Variants in MDGA2 observed in about 807,000 individuals in gnomAD.
MDGA2 encodes the protein MAM domain containing glycosylphosphatidylinositol anchor 2, also known as MAM domain-containing glycosylphosphatidylinositol anchor protein 2.
In MDGA2, 40 loss-of-function variants were observed where a neutral mutation model predicts 117.8. The observed-to-expected ratio is 0.34, with a 90% CI of 0.26 to 0.44. The LOEUF (loss-of-function observed/expected upper bound fraction) is 0.44, where lower values mean the gene tolerates loss of function less well. MDGA2 is among the 20% of genes least tolerant of loss of function. The pLI, the probability that MDGA2 is intolerant of heterozygous loss-of-function variation, is 1.00. For synonymous variants in MDGA2, 452 were observed against 439.0 expected (o/e 1.03, Z -0.37); for missense variants, 1,123 against 1,250.6 (o/e 0.90, Z 1.54).
At chr14:47,662,537 A>G (rs1003508149) in intron 1 of MDGA2, among the ~76,000 whole-genome samples, 6 of 152,186 alleles carry the variant, frequency 3.9e-5, no homozygotes, top group Non-Finnish European at 5.9e-5. Flanking sequence ...GACGACAGAA[A>G]GTAAAACTGA....
intron 5 of MDGA2, among the ~76,000 whole-genome samples, chr14:47,100,455 T>C (rs535230363): frequency 1.3e-5 from 2 of 152,284 alleles, no homozygotes; most frequent in African/African-American, 2.4e-5. Flanking sequence ...CTCATTACTA[T>C]ATAAGGTTAA....
chr14:47,226,618 T>C (rs1594738836), intron 2 of MDGA2, among the ~76,000 whole-genome samples: 1 of 151,956 alleles, frequency 6.6e-6, no homozygotes, highest in Non-Finnish European at 1.5e-5. Context: ...ACACTAGAGG[T>C]GACAGGAGGG....
At chr14:47,247,203 G>A (rs1237321611) in intron 2 of MDGA2, among the ~76,000 whole-genome samples, 1 of 151,678 alleles carries the variant, frequency 6.6e-6, no homozygotes, top group African/African-American at 2.4e-5. Flanking sequence ...TTGGGATAAG[G>A]GTAGTATTTA....
chr14:47,439,283 T>C (rs1459530935), intron 1 of MDGA2, among the ~76,000 whole-genome samples: 2 of 152,146 alleles, frequency 1.3e-5, no homozygotes, highest in African/African-American at 2.4e-5. Context: ...AATAGATATA[T>C]GCATAGCTGA....
intron 2 of MDGA2, among the ~76,000 whole-genome samples, chr14:47,293,622 T>C (rs1888962615): frequency 6.6e-6 from 1 of 152,220 alleles, no homozygotes; most frequent in Non-Finnish European, 1.5e-5. Context: ...AATACGATTA[T>C]CATTTACTAA....
intron 4 of MDGA2, among the ~76,000 whole-genome samples, chr14:47,142,685 A>T (rs1882773537): frequency 6.6e-6 from 1 of 152,194 alleles, no homozygotes; most frequent in Admixed American, 6.5e-5. Context: ...CATTTTAGTA[A>T]CAATTGGAGA....
chr14:47,140,360 A>G (rs1882664995), intron 4 of MDGA2, among the ~76,000 whole-genome samples: 1 of 152,098 alleles, frequency 6.6e-6, no homozygotes, highest in Non-Finnish European at 1.5e-5. Context: ...ACCACAAAAG[A>G]TCCCAAACAG....
At position 47,035,181 on chromosome 14, in the gene MDGA2, T is replaced by C. The variant is rs1030884399; in HGVS notation, c.1649A>G (p.Asp550Gly). 1.2e-6 allele frequency: 2 copies of C among 1,614,178 alleles called. No individual in the cohort carries two copies. Among genetic ancestry groups the C allele is most frequent in the East Asian group, 2.2e-5 (1 of 44,850 alleles). The change falls in exon 8 of 17, where the codon GAT becomes GGT. Residue 550 changes from aspartate to glycine, a missense_variant. By Grantham distance (94) the Asp-to-Gly change is moderately conservative (BLOSUM62 -1). This residue lies in a region of MDGA2 where 890 missense variants were observed against 1,050.3 expected (regional missense o/e 0.85). Coordinates refer to ENST00000399232, the MANE Select transcript of MDGA2 (RefSeq NM_001113498.3). ...PKPIILWSRA[D>G]KEVAMPDGSM... ...TCCATCAGGCATTGCAACTTCTTTA[T>C]CCGCTCTAGACCAAAGGATGATTGG...
rs550047533 is a variant in MDGA2, at chr14:47,402,516, T to C, written c.281-100966A>G. On this transcript the variant is annotated intron_variant, in intron 1 of 16. Transcript: ENST00000399232. ...CCTTCCAATGAAATGCTATAAATGA[T>C]ACAGAAGTTCCATTTCTAGCCTACA... Among the ~76,000 whole-genome samples, 22 of 152,264 alleles carry C rather than the reference T, an allele frequency of 1.4e-4. No individual in the cohort carries two copies. The South Asian group carries it at 4.4e-3, about 30-fold the overall frequency.
chr14:47,173,769 A>T (rs1884297712), intron 3 of MDGA2, among the ~76,000 whole-genome samples: 1 of 152,208 alleles, frequency 6.6e-6, no homozygotes, highest in African/African-American at 2.4e-5. Flanking sequence ...AGCTAACATC[A>T]TAATGACAGG....
At chr14:46,983,840 T>C (rs187479266) in intron 8 of MDGA2, among the ~76,000 whole-genome samples, 9 of 152,132 alleles carry the variant, frequency 5.9e-5, no homozygotes, top group African/African-American at 2.2e-4. Context: ...TCTGACAAAC[T>C]GCTAACCTCC....
At chr14:47,335,934 G>A (rs1314084014) in intron 1 of MDGA2, among the ~76,000 whole-genome samples, 1 of 151,148 alleles carries the variant, frequency 6.6e-6, no homozygotes, top group South Asian at 2.1e-4. Context: ...TTCTAGTGAA[G>A]ACAGAAAAAT....
chr14:47,478,610 A>C (rs1037741220), intron 1 of MDGA2, among the ~76,000 whole-genome samples: 2 of 152,162 alleles, frequency 1.3e-5, no homozygotes, highest in Non-Finnish European at 2.9e-5. Flanking sequence ...TCCTGGGCTC[A>C]AGCGATCCAC....
At chr14:46,966,259 G>A (rs1034420251) in intron 8 of MDGA2, among the ~76,000 whole-genome samples, 1 of 152,066 alleles carries the variant, frequency 6.6e-6, no homozygotes, top group Non-Finnish European at 1.5e-5. Context: ...GCAGACTAAG[G>A]AATCAAACAA....
At chr14:47,415,962 G>A (rs990972988) in intron 1 of MDGA2, among the ~76,000 whole-genome samples, 1 of 152,084 alleles carries the variant, frequency 6.6e-6, no homozygotes, top group Non-Finnish European at 1.5e-5. Flanking sequence ...TTCATGTTTA[G>A]GATTTCGAGG....
At chr14:47,158,783 A>T (rs1883513952) in intron 3 of MDGA2, among the ~76,000 whole-genome samples, 1 of 152,220 alleles carries the variant, frequency 6.6e-6, no homozygotes. Flanking sequence ...TAAAACTTGT[A>T]GACAACTAAG....
At chr14:46,860,923 C>G (rs1881481953) in intron 14 of MDGA2, among the ~76,000 whole-genome samples, 1 of 151,898 alleles carries the variant, frequency 6.6e-6, no homozygotes, top group Non-Finnish European at 1.5e-5. Flanking sequence ...TATGTTTCTT[C>G]TACTATGTGC....
intron 1 of MDGA2, among the ~76,000 whole-genome samples, chr14:47,382,796 C>T (rs925474882): frequency 1.3e-5 from 2 of 152,236 alleles, no homozygotes; most frequent in African/African-American, 2.4e-5. Context: ...GACAGTGTGG[C>T]GATTCCTCAA....
intron 1 of MDGA2, among the ~76,000 whole-genome samples, chr14:47,534,068 A>T (rs1001628800): frequency 6.6e-6 from 1 of 152,078 alleles, no homozygotes; most frequent in Non-Finnish European, 1.5e-5. Context: ...GCCTCATGTA[A>T]CTTAGAAAAC....
Sources: allele counts gnomAD v4.1 joint callset (sites outside exome capture counted in the v4.1 genomes callset), GRCh38; gene constraint gnomAD v4.1.1; regional missense constraint gnomAD v4.1.1; transcripts MANE v1.5; gene names NCBI Gene and HGNC (gene_info 2026-07-23, HGNC 2026-07-21).